SBF2: variants seen among roughly 807,000 people sequenced by gnomAD.
The protein encoded by SBF2 is myotubularin-related protein 13.
A neutral mutation model predicts 225.2 loss-of-function variants in SBF2; 112 were observed. The observed-to-expected ratio is 0.50, with a 90% CI of 0.43 to 0.58. The LOEUF is 0.58. Among genes scored for constraint, SBF2 ranks in the 20% least tolerant of loss-of-function variants. The pLI is 0.00. For missense variants in SBF2, 1,996 were observed against 2,206.2 expected (o/e 0.90, Z 1.91); for synonymous variants, 763 against 773.3 (o/e 0.99, Z 0.22).
At chr11:10,048,597 T>C (rs1314948635) in intron 2 of SBF2, among the ~76,000 whole-genome samples, 3 of 152,224 alleles carry the variant, frequency 2.0e-5, no homozygotes, top group Non-Finnish European at 4.4e-5. Context: ...TTTCTCAACA[T>C]AAATCAACTG....
chr11:9,961,845 C>T (rs1286551292), intron 16 of SBF2, 112 bp downstream of exon 16: 4 of 886,990 alleles, frequency 4.5e-6, no homozygotes, highest in Non-Finnish European at 7.0e-6. Context: ...GACGCTTCAT[C>T]CTATTAGCTG....
intron 28 of SBF2, among the ~76,000 whole-genome samples, chr11:9,825,354 C>T (rs1051581877): frequency 6.6e-6 from 1 of 152,198 alleles, no homozygotes; most frequent in Non-Finnish European, 1.5e-5. Flanking sequence ...CTCCTCACAG[C>T]CCTCAGAAGG....
chr11:9,869,382 G>A (rs1373858452), intron 17 of SBF2, among the ~76,000 whole-genome samples: 4 of 151,890 alleles, frequency 2.6e-5, no homozygotes, highest in Admixed American at 6.6e-5. Flanking sequence ...GCAGTGGCGC[G>A]ATCTCAGCTC....
chr11:9,965,865 C>G (rs2134376470), intron 14 of SBF2, among the ~76,000 whole-genome samples: 1 of 152,244 alleles, frequency 6.6e-6, no homozygotes, highest in South Asian at 2.1e-4. Flanking sequence ...AATGCTCATT[C>G]ATAATTGTGG....
intron 6 of SBF2, among the ~76,000 whole-genome samples, chr11:10,005,903 C>T (rs1182730234): frequency 6.6e-6 from 1 of 152,190 alleles, no homozygotes; most frequent in Non-Finnish European, 1.5e-5. Context: ...CATCTCTCAG[C>T]TCCTGCTGAT....
At chr11:9,954,783 A>G (rs572483781) in intron 16 of SBF2, among the ~76,000 whole-genome samples, 2 of 152,280 alleles carry the variant, frequency 1.3e-5, no homozygotes, top group Non-Finnish European at 2.9e-5. Flanking sequence ...CTGCTATTCT[A>G]TAAGTGCCAT....
intron 6 of SBF2, among the ~76,000 whole-genome samples, chr11:10,010,078 C>T (rs373599118): frequency 2.7e-4 from 41 of 152,252 alleles, no homozygotes; most frequent in African/African-American, 9.4e-4. Flanking sequence ...ATATCTTTCA[C>T]CCACTTTTTG....
intron 16 of SBF2, among the ~76,000 whole-genome samples, chr11:9,949,909 T>A (rs1007263525): frequency 6.6e-6 from 1 of 152,142 alleles, no homozygotes; most frequent in African/African-American, 2.4e-5. Flanking sequence ...GAAAATAATA[T>A]ATTGAACACA....
chr11:10,087,629 C>T (rs147309167), intron 2 of SBF2, among the ~76,000 whole-genome samples: 97 of 152,256 alleles, frequency 6.4e-4, no homozygotes, highest in African/African-American at 2.3e-3. Context: ...GTATTTCATA[C>T]CAAACATATT....
At chr11:9,820,704 G>A (rs1854700979) in intron 28 of SBF2, among the ~76,000 whole-genome samples, 1 of 152,166 alleles carries the variant, frequency 6.6e-6, no homozygotes, top group African/African-American at 2.4e-5. Flanking sequence ...CCCAAGCTGA[G>A]GAGCTCTATT....
chr11:9,906,620 T>A (rs1297775638), intron 16 of SBF2, among the ~76,000 whole-genome samples: 1 of 152,088 alleles, frequency 6.6e-6, no homozygotes, highest in Non-Finnish European at 1.5e-5. Flanking sequence ...AGGGAAAAAA[T>A]TTACAACAAT....
intron 16 of SBF2, among the ~76,000 whole-genome samples, chr11:9,919,998 C>T (rs757517644): frequency 6.6e-6 from 1 of 152,058 alleles, no homozygotes; most frequent in Admixed American, 6.5e-5. Flanking sequence ...TCCTAAAGTG[C>T]TGGGATTACA....
intron 1 of SBF2, among the ~76,000 whole-genome samples, chr11:10,277,918 G>C (rs190168874): frequency 7.9e-4 from 120 of 152,280 alleles, no homozygotes; most frequent in African/African-American, 2.6e-3. Flanking sequence ...TGAGAGAATG[G>C]TGTTTGTTTT....
chr11:9,782,518 A>T (rs1480615292), intron 38 of SBF2, among the ~76,000 whole-genome samples: 2 of 152,160 alleles, frequency 1.3e-5, no homozygotes, highest in African/African-American at 4.8e-5. Context: ...TTTGTTAGAA[A>T]TTTTTTGGAG....
In SBF2 at chr11:10,168,779, C is replaced by G. The variant is rs1956073501; in HGVS notation, c.141+25123G>C. Among the ~76,000 whole-genome samples the G allele has an allele frequency of 2.0e-5, 3 of 152,124 alleles. No individual in the cohort carries two copies. In the South Asian group the frequency reaches 6.2e-4, roughly 31 times the overall value. ...TTGTCAGAAAGTAAAATATTTAAAA[C>G]AACGCAGGGTTCCACCTCATCTTTT... On this transcript the variant is annotated intron_variant, in intron 2 of 39. Transcript: ENST00000256190.
At chr11:9,898,176 C>T (rs1861426995) in intron 16 of SBF2, among the ~76,000 whole-genome samples, 1 of 152,006 alleles carries the variant, frequency 6.6e-6, no homozygotes, top group Non-Finnish European at 1.5e-5. Context: ...CGTAGTACTG[C>T]CCTGAGGAAA....
chr11:10,031,086 C>T lies in SBF2; in HGVS notation c.364G>A (p.Val122Met), dbSNP rs370001738. The part of the protein sequence containing the change: ...PAEVFAPKSL[V>M]LVSRLYYPEI... Reference sequence around the variant, plus strand: ...GGATAATATAATCTGGATACCAACACCAGGCTTTTGGGAGCAAACACTTCT... The same window carrying T: ...GGATAATATAATCTGGATACCAACATCAGGCTTTTGGGAGCAAACACTTCT... The change falls in exon 4 of 40, where the codon GTG becomes ATG. Residue 122 changes from valine to methionine, a missense_variant. Coordinates refer to ENST00000256190, the MANE Select transcript of SBF2 (RefSeq NM_030962.4). 6.2e-6 allele frequency: 10 copies of T among 1,613,148 alleles called. No homozygotes were observed. Among genetic ancestry groups the T allele is most frequent in the Non-Finnish European group, 8.5e-6 (10 of 1,179,464 alleles).
intron 33 of SBF2, 52 bp from the exon 34 acceptor site, chr11:9,790,735 C>T: frequency 7.0e-7 from 1 of 1,437,316 alleles, no homozygotes; most frequent in South Asian, 1.2e-5. Context: ...TCACACTTTG[C>T]CAAAAAACGT....
intron 17 of SBF2, among the ~76,000 whole-genome samples, chr11:9,894,970 T>TA (rs1861122297): frequency 6.6e-6 from 1 of 152,148 alleles, no homozygotes; most frequent in African/African-American, 2.4e-5. Context: ...CAACAAGAGC[T>TA]AAAACTCTGT....
Sources: allele counts gnomAD v4.1 joint callset (sites outside exome capture counted in the v4.1 genomes callset), GRCh38; gene constraint gnomAD v4.1.1; transcripts MANE v1.5; gene names NCBI Gene and HGNC (gene_info 2026-07-23, HGNC 2026-07-21).